The following DAB2IP variants were observed in gnomAD, a reference collection of about 807,000 sequenced individuals.
DAB2IP encodes the protein disabled homolog 2-interacting protein.
Under a neutral mutation model 107.2 loss-of-function variants are expected in DAB2IP, and 28 were observed. The observed-to-expected ratio is 0.26, with a 90% CI of 0.19 to 0.36. DAB2IP has a LOEUF of 0.36. Among genes scored for constraint, DAB2IP ranks in the 10% least tolerant of loss-of-function variants. The pLI is 1.00. For synonymous variants in DAB2IP, 755 were observed against 706.4 expected (o/e 1.07, Z -1.09); for missense variants, 1,400 against 1,644.7 (o/e 0.85, Z 2.57).
chr9:121,637,200 A>G (rs1832120106), intron 1 of DAB2IP, among the ~76,000 whole-genome samples: 1 of 152,206 alleles, frequency 6.6e-6, no homozygotes. Context: ...CAAAATGGGC[A>G]TAATAGCACC....
chr9:121,704,001 G>A (rs1392564417), intron 3 of DAB2IP, among the ~76,000 whole-genome samples: 1 of 152,174 alleles, frequency 6.6e-6, no homozygotes, highest in East Asian at 1.9e-4. Context: ...AAGCTCTCAT[G>A]TGTGTTTTAA....
intron 1 of DAB2IP, among the ~76,000 whole-genome samples, chr9:121,657,880 A>G (rs1368850195): frequency 6.6e-6 from 1 of 152,222 alleles, no homozygotes; most frequent in African/African-American, 2.4e-5. Flanking sequence ...CTCCAGTACC[A>G]GGAGCCAACT....
intron 1 of DAB2IP, among the ~76,000 whole-genome samples, chr9:121,614,430 TC>T (rs1282253822): frequency 7.0e-6 from 1 of 142,038 alleles, no homozygotes; most frequent in East Asian, 2.2e-4. Context: ...AACCTCTGCC[TC>T]CTAGGTTCAA....
chr9:121,632,632 A>G (rs1589431640), intron 1 of DAB2IP, among the ~76,000 whole-genome samples: 1 of 151,586 alleles, frequency 6.6e-6, no homozygotes, highest in South Asian at 2.1e-4. Flanking sequence ...TCAAACACAA[A>G]CTCCATCTCA....
At position 121,772,897 on chromosome 9, in the gene DAB2IP, C is replaced by G; in HGVS notation, c.2369C>G (p.Thr790Ser). The G allele has an allele frequency of 1.9e-6, 3 of 1,573,830 alleles. No individual in the cohort carries two copies. The highest frequency in any genetic ancestry group is 2.6e-6 in the Non-Finnish European group (3 of 1,163,856). The change falls in exon 12 of 16, where the codon ACC (threonine) becomes AGC (serine). Residue 790 changes from threonine to serine, a missense_variant. Coordinates refer to ENST00000408936, the Ensembl canonical transcript of DAB2IP. This position sits in a 1 kb window ranked among gnomAD's most constrained non-coding sequence, Gnocchi z 4.7. Reference sequence around the variant, plus strand: ...GTGGCCGGGTGGCCGGCCCGGGCAACCCCAGTGAACCTGGCAGGGCTGGCC... The same window carrying G: ...GTGGCCGGGTGGCCGGCCCGGGCAAGCCCAGTGAACCTGGCAGGGCTGGCC...
intron 3 of DAB2IP, among the ~76,000 whole-genome samples, chr9:121,707,139 C>T (rs886783688): frequency 6.6e-5 from 10 of 152,300 alleles, no homozygotes; most frequent in Non-Finnish European, 1.3e-4. Flanking sequence ...AGTGCCTTGG[C>T]GGTGGGCTGC....
At chr9:121,629,870 C>T (rs952011255) in intron 1 of DAB2IP, among the ~76,000 whole-genome samples, 2 of 152,188 alleles carry the variant, frequency 1.3e-5, no homozygotes, top group East Asian at 1.9e-4. Context: ...TCCCTCAAAC[C>T]CCCGCCTCTC....
At chr9:121,694,160 T>C (rs1296057455) in intron 2 of DAB2IP, among the ~76,000 whole-genome samples, 1 of 152,124 alleles carries the variant, frequency 6.6e-6, no homozygotes, top group African/African-American at 2.4e-5. Flanking sequence ...TGCCTGGGGC[T>C]GAGTGTGGGG....
At chr9:121,583,249 C>T (rs192938543) in intron 1 of DAB2IP, among the ~76,000 whole-genome samples, 1 of 151,998 alleles carries the variant, frequency 6.6e-6, no homozygotes, top group Non-Finnish European at 1.5e-5. Context: ...ATTAGTCGAG[C>T]GTGGTGGCAG....
At position 121,651,888 on chromosome 9, in the gene DAB2IP, G is replaced by C. The variant is rs1258253056; in HGVS notation, c.113G>C (p.Arg38Pro). 7.1e-7 allele frequency: 1 copy of C among 1,411,058 alleles called. No individual in the cohort carries two copies. The highest frequency in any genetic ancestry group is 2.4e-5 in the Admixed American group (1 of 41,120). 87.4% of individuals were successfully genotyped at this position (1,411,058 alleles called of 1,614,324 possible). A position where few individuals can be genotyped will look rare whatever the true frequency, so the allele number is the denominator to read the frequency against. ...AGGAGCCGCTCCCGCAGCCGGACCC[G>C]GCCTGCCAGGGGTAGGCGCCACCCC... The change falls in exon 1 of 16, where the codon CGG (arginine) becomes CCG (proline). Residue 38 changes from arginine (R) to proline (P), a missense_variant. Arg to Pro is a moderately radical substitution (Grantham distance 103, BLOSUM62 -2). Transcript: ENST00000408936. This position sits in a 1 kb window ranked among gnomAD's most constrained non-coding sequence, Gnocchi z 5.1.
intron 1 of DAB2IP, among the ~76,000 whole-genome samples, chr9:121,586,391 C>T (rs1265864903): frequency 1.3e-5 from 2 of 152,146 alleles, no homozygotes; most frequent in South Asian, 2.1e-4. Flanking sequence ...AAGAAATCAT[C>T]CTTTGTGGTC....
chr9:121,774,391 C>T (rs539727039), exon 13 of DAB2IP: 29 of 1,611,572 alleles, frequency 1.8e-5, no homozygotes, highest in South Asian at 6.6e-5. Flanking sequence ...GGAGTAAGGA[C>T]GAGCTCAGCC....
At chr9:121,737,057 G>C (rs1266083842) in intron 3 of DAB2IP, among the ~76,000 whole-genome samples, 3 of 152,280 alleles carry the variant, frequency 2.0e-5, no homozygotes, top group Non-Finnish European at 4.4e-5. Flanking sequence ...CTTGCCCACG[G>C]AATGGCAAAT....
At chr9:121,763,353 A>G (rs1834033460) in intron 6 of DAB2IP, 152 bp from the exon 7 acceptor site, 14 of 1,146,212 alleles carry the variant, frequency 1.2e-5, no homozygotes, top group South Asian at 1.6e-5. Flanking sequence ...GCAGCCCCCA[A>G]AGGTGGGCAC....
In DAB2IP at chr9:121,736,095, C is replaced by T. The variant is rs1404208094; in HGVS notation, c.363-20918C>T. 6.6e-6 allele frequency among the ~76,000 whole-genome samples: 1 copy of T among 152,204 alleles called. No individual in the cohort carries two copies. Among genetic ancestry groups the T allele is most frequent in the African/African-American group, 2.4e-5 (1 of 41,458 alleles). ...CAGCTTAGGCTGTCTAGACCCAAGT[C>T]GGGGTGGGGAGTCGGGTTAGGGGAT... On this transcript the variant is annotated intron_variant, in intron 3 of 15. Transcript: ENST00000408936. This position sits in a 1 kb window ranked among gnomAD's most constrained non-coding sequence, Gnocchi z 4.6.
At chr9:121,578,975 T>C (rs1314456413) in intron 1 of DAB2IP, among the ~76,000 whole-genome samples, 1 of 151,960 alleles carries the variant, frequency 6.6e-6, no homozygotes, top group Non-Finnish European at 1.5e-5. Context: ...GGCCCACCAG[T>C]GGAATACCAA....
chr9:121,734,204 C>T (rs1318820199), intron 3 of DAB2IP, among the ~76,000 whole-genome samples: 1 of 143,336 alleles, frequency 7.0e-6, no homozygotes, highest in Non-Finnish European at 1.5e-5. Context: ...GGTGAAACCC[C>T]GTCTCTACTA....
chr9:121,737,970 G>A (rs1453865488), intron 3 of DAB2IP, among the ~76,000 whole-genome samples: 1 of 152,108 alleles, frequency 6.6e-6, no homozygotes, highest in Non-Finnish European at 1.5e-5. Context: ...TGAAGGTGGG[G>A]GCTGGGGTTG....
chr9:121,763,932 T>G, intron 8 of DAB2IP, 53 bp downstream of exon 8: 1 of 1,597,780 alleles, frequency 6.3e-7, no homozygotes, highest in Non-Finnish European at 8.5e-7. Context: ...ATCCTGTCCT[T>G]CAGTGTCTGG....
Sources: allele counts gnomAD v4.1 joint callset (sites outside exome capture counted in the v4.1 genomes callset), GRCh38; gene constraint gnomAD v4.1.1; non-coding constraint Gnocchi (gnomAD v3.1); transcripts MANE v1.5; gene names NCBI Gene and HGNC (gene_info 2026-07-23, HGNC 2026-07-21).